Variants in ATP2B3 observed in about 807,000 individuals in gnomAD.
The protein encoded by ATP2B3 is ATPase plasma membrane Ca2+ transporting 3.
Under a neutral mutation model 70.8 loss-of-function variants are expected in ATP2B3, and 12 were observed. The observed-to-expected ratio is 0.17, with a 90% confidence interval of 0.11 to 0.27. The LOEUF (loss-of-function observed/expected upper bound fraction) is 0.27. Ranked by LOEUF, ATP2B3 falls within the 10% of genes least tolerant of loss-of-function variation. ATP2B3 has a pLI of 1.00. For missense variants in ATP2B3, 858 were observed against 1,118.5 expected, an observed-to-expected ratio of 0.77 and a Z score of 3.32; for synonymous variants, 460 against 497.8, an observed-to-expected ratio of 0.92 and a Z score of 1.01.
intron 2 of ATP2B3, among the ~76,000 whole-genome samples, chrX:153,522,716 T>C (rs1556998246): frequency 8.9e-6 from 1 of 111,845 alleles, no homozygotes; most frequent in African/African-American, 3.3e-5. Context: ...AGGGCCTCTG[T>C]CCCAGCAGCT....
At chrX:153,522,214 A>G in intron 2 of ATP2B3, among the ~76,000 whole-genome samples, 1 of 112,853 alleles carries the variant, frequency 8.9e-6, no homozygotes, top group Middle Eastern at 4.6e-3. Flanking sequence ...TATTGATGTG[A>G]TGGGCATGAG....
intron 2 of ATP2B3, among the ~76,000 whole-genome samples, chrX:153,532,014 C>T (rs2090125341): frequency 1.8e-5 from 2 of 111,892 alleles, no homozygotes; most frequent in Admixed American, 1.9e-4. Flanking sequence ...CAGAGCGTCC[C>T]AGCAAGGGCG....
chrX:153,522,821 C>A (rs1902671390), intron 2 of ATP2B3, among the ~76,000 whole-genome samples: 1 of 111,573 alleles, frequency 9.0e-6, no homozygotes, highest in African/African-American at 3.3e-5. Context: ...CCGGCCACCG[C>A]CTGGTCCTTA....
intron 8 of ATP2B3, among the ~76,000 whole-genome samples, chrX:153,546,700 G>A (rs984941988): frequency 8.8e-6 from 1 of 113,256 alleles, no homozygotes; most frequent in Non-Finnish European, 1.9e-5. Flanking sequence ...CGTGGCCCAC[G>A]GAGGACAGGA....
intron 2 of ATP2B3, among the ~76,000 whole-genome samples, chrX:153,525,107 G>A (rs1458234384): frequency 1.1e-4 from 12 of 112,194 alleles, no homozygotes; most frequent in Admixed American, 3.8e-4. Flanking sequence ...TGAGAAACAC[G>A]AAAACAAAGC....
chrX:153,562,774 C>T (rs2081344081), intron 20 of ATP2B3, among the ~76,000 whole-genome samples: 1 of 112,366 alleles, frequency 8.9e-6, no homozygotes, highest in Non-Finnish European at 1.9e-5. Context: ...TCTTCATCAG[C>T]TCCGACTGCC....
chrX:153,560,939 T>G lies in ATP2B3; in HGVS notation c.3051+52T>G, dbSNP rs1557016109. On this transcript the variant is annotated intron_variant, in intron 19 of 21. Coordinates refer to ENST00000263519, the MANE Select transcript of ATP2B3 (RefSeq NM_001001344.3). ...CTCTGCCACTTGCAAAAAGTGGAGGTGGTGGGCTTCAAGACCCCTCGTCCA... is the reference window on the plus strand; with the variant it reads ...CTCTGCCACTTGCAAAAAGTGGAGGGGGTGGGCTTCAAGACCCCTCGTCCA... The G allele has an allele frequency of 2.5e-6, 3 of 1,189,196 alleles. No individual in the cohort carries two copies. In the South Asian group the frequency reaches 5.4e-5, roughly 21 times the overall value.
intron 21 of ATP2B3, among the ~76,000 whole-genome samples, chrX:153,570,557 A>C (rs2090771558): frequency 8.9e-6 from 1 of 111,782 alleles, no homozygotes; most frequent in Non-Finnish European, 1.9e-5. Flanking sequence ...AGGGAAGGCC[A>C]CTCCACCGCT....
Position 153,541,463 on chromosome X carries a change from G to A in ATP2B3, c.313G>A (p.Ala105Thr). The A allele has an allele frequency of 1.7e-6, 2 of 1,211,790 alleles. No individual in the cohort carries two copies. The highest frequency in any genetic ancestry group is 1.8e-5 in the South Asian group (1 of 56,964). ...GACCTTCCTGCAGCTGGTGTGGGAG[G>A]CCCTGCAGGACGTGACCCTCATCAT... is the stretch of plus-strand genomic sequence containing the variant. ...PKTFLQLVWE[A>T]LQDVTLIILE... Residue 105 changes from alanine (A) to threonine (T), a missense_variant, in exon 4 of 22, where the codon GCC becomes ACC. Transcript: ENST00000263519.
Position 153,536,343 on chromosome X carries a change from G to C in ATP2B3, c.96G>C (p.Ala32=), listed in dbSNP as rs202115287. 8.3e-7 allele frequency: 1 copy of C among 1,199,564 alleles called. No homozygotes were observed. The highest frequency in any genetic ancestry group is 3.0e-5 in the East Asian group (1 of 33,371). ...PQAGGFGCTL[A]ELRTLMELRG... The stretch of plus-strand genomic sequence containing the variant: ...CTGGAGGCTTTGGGTGCACGCTGGC[G>C]GAGCTGCGCACCCTCATGGAGCTGC... Residue 32 remains alanine, a synonymous_variant, in exon 3 of 22, where the codon GCG becomes GCC. Coordinates refer to ENST00000263519, the MANE Select transcript of ATP2B3 (RefSeq NM_001001344.3).
chrX:153,536,692 G>A (rs2124383452), intron 3 of ATP2B3, among the ~76,000 whole-genome samples: 1 of 112,407 alleles, frequency 8.9e-6, no homozygotes, highest in South Asian at 3.7e-4. Context: ...GGGGGAGATG[G>A]GAACTTCATG....
In ATP2B3 at chrX:153,580,150, G is replaced by A. The variant is rs782518890; in HGVS notation, c.3515G>A (p.Arg1172Gln). Residue 1172 changes from arginine (R) to glutamine (Q), a missense_variant, in exon 22 of 22, where the codon CGG (arginine) becomes CAG (glutamine). By Grantham distance (43) the Arg-to-Gln change is conservative (BLOSUM62 1). Around this residue, in one of 5 missense-constraint regions of ATP2B3, gnomAD observed 265 missense variants for 305.3 expected, o/e 0.87. Coordinates refer to ENST00000263519, the MANE Select transcript of ATP2B3 (RefSeq NM_001001344.3). ...TDVDENEERL[R>Q]APPPPSPNQN... ...GTGGACGAGAACGAGGAGCGCCTCC[G>A]GGCCCCCCCGCCCCCGTCCCCCAAC... 14 of 1,209,602 alleles carry A rather than the reference G, an allele frequency of 1.2e-5. No homozygotes were observed. Among genetic ancestry groups the A allele is most frequent in the African/African-American group, 1.8e-5 (1 of 57,019 alleles).
At chrX:153,548,926 G>T in intron 10 of ATP2B3, 72 bp downstream of exon 10, 1 of 1,038,440 alleles carries the variant, frequency 9.6e-7, no homozygotes, top group Middle Eastern at 3.1e-4. Flanking sequence ...TGGGCGCCTT[G>T]GTGGCAGTAT....
At chrX:153,559,606 T>C in intron 17 of ATP2B3, 123 bp from the exon 18 acceptor site, 1 of 598,932 alleles carries the variant, frequency 1.7e-6, no homozygotes, top group South Asian at 2.8e-5. Context: ...AGATGTCTGT[T>C]TTCATGGGCA....
intron 9 of ATP2B3, 43 bp from the exon 10 acceptor site, chrX:153,548,597 C>T: frequency 8.9e-7 from 1 of 1,125,529 alleles, no homozygotes; most frequent in Non-Finnish European, 1.2e-6. Flanking sequence ...CTCCTTCCCT[C>T]ACCCGTGGCA....
chrX:153,569,362 C>G, intron 21 of ATP2B3: 1 of 543,559 alleles, frequency 1.8e-6, no homozygotes, highest in Non-Finnish European at 3.3e-6. Context: ...CCCTTCCCTT[C>G]CCAATCTCAT....
chrX:153,574,876 G>A (rs1557020911), intron 21 of ATP2B3: 1 of 330,988 alleles, frequency 3.0e-6, no homozygotes, highest in Non-Finnish European at 5.9e-6. Context: ...TTGGCTCAGT[G>A]TGGCCAGGGA....
intron 11 of ATP2B3, 48 bp downstream of exon 11, chrX:153,549,787 G>A: frequency 4.3e-6 from 5 of 1,174,824 alleles, no homozygotes; most frequent in Non-Finnish European, 5.7e-6. Context: ...CAGGAGCAGG[G>A]GAGGGTCCTG....
chrX:153,526,039 G>A (rs782667210), intron 2 of ATP2B3, among the ~76,000 whole-genome samples: 4 of 113,012 alleles, frequency 3.5e-5, no homozygotes, highest in Non-Finnish European at 7.5e-5. Context: ...ACCCTTCCCC[G>A]AAGGAGGAAG....
Sources: allele counts gnomAD v4.1 joint callset (sites outside exome capture counted in the v4.1 genomes callset), GRCh38; gene constraint gnomAD v4.1.1; regional missense constraint gnomAD v4.1.1; transcripts MANE v1.5; gene names NCBI Gene and HGNC (gene_info 2026-07-23, HGNC 2026-07-21).